Variants in DCC observed in about 807,000 individuals in gnomAD.
DCC encodes DCC netrin 1 receptor.
DCC carries 58 observed loss-of-function variants against 172.5 expected under a neutral mutation model. The observed-to-expected ratio is 0.34, with a 90% CI of 0.27 to 0.42. The LOEUF is 0.42. Ranked by LOEUF, DCC falls within the 10% of genes least tolerant of loss-of-function variation. The probability of loss-of-function intolerance (pLI) is 1.00; values close to 1 mark genes in which losing one functional copy is unlikely to be tolerated. For synonymous variants in DCC, 709 were observed against 644.5 expected (o/e 1.10, Z -1.52); for missense variants, 1,740 against 1,791.0 (o/e 0.97, Z 0.51).
At chr18:52,364,764 GTGGGC>G (rs1984771187) in intron 1 of DCC, among the ~76,000 whole-genome samples, 2 of 152,174 alleles carry the variant, frequency 1.3e-5, no homozygotes, top group Non-Finnish European at 2.9e-5. Flanking sequence ...ATGAGTGGAA[GTGGGC>G]CAGGAAGGGC....
At chr18:53,300,810 T>G (rs977314942) in intron 12 of DCC, among the ~76,000 whole-genome samples, 1 of 152,060 alleles carries the variant, frequency 6.6e-6, no homozygotes, top group African/African-American at 2.4e-5. Context: ...GAGAAACTTA[T>G]CTGCAGAGCA....
intron 5 of DCC, among the ~76,000 whole-genome samples, chr18:52,972,517 C>CTTTTTTTTT (rs34383367): frequency 7.2e-6 from 1 of 138,820 alleles, no homozygotes. Flanking sequence ...AAATTTCTTG[C>CTTTTTTTTT]TTTTTTTTTT....
At chr18:52,556,731 C>T (rs1030050662) in intron 1 of DCC, among the ~76,000 whole-genome samples, 1 of 152,036 alleles carries the variant, frequency 6.6e-6, no homozygotes, top group Admixed American at 6.6e-5. Flanking sequence ...ACTCCTTCCC[C>T]CCACCTCATG....
intron 2 of DCC, among the ~76,000 whole-genome samples, chr18:52,764,372 A>C (rs2037210465): frequency 6.6e-6 from 1 of 152,204 alleles, no homozygotes; most frequent in African/African-American, 2.4e-5. Context: ...TATGGTTTGG[A>C]TATTCATCCC....
chr18:53,291,815 T>C (rs1235587927), intron 12 of DCC, among the ~76,000 whole-genome samples: 2 of 152,204 alleles, frequency 1.3e-5, no homozygotes, highest in Non-Finnish European at 2.9e-5. Context: ...GAGAATTAAG[T>C]CTATTGATAC....
intron 22 of DCC, among the ~76,000 whole-genome samples, chr18:53,444,158 T>A (rs1912451082): frequency 6.6e-6 from 1 of 152,250 alleles, no homozygotes; most frequent in East Asian, 1.9e-4. Flanking sequence ...ATGGGTAAAA[T>A]GCTATCAAAT....
At chr18:53,422,530 G>A (rs1252732658) in intron 21 of DCC, among the ~76,000 whole-genome samples, 1 of 152,072 alleles carries the variant, frequency 6.6e-6, no homozygotes, top group Non-Finnish European at 1.5e-5. Context: ...ATACCTAAAT[G>A]GCATCACCAT....
rs41365745 is a variant in DCC, at chr18:53,105,732, G to C, written c.1261+39566G>C. On this transcript the variant is annotated intron_variant, in intron 7 of 28. Transcript: ENST00000442544. ...CCACGTGCATATCCCATTTTTAGAA[G>C]GTGCTTTCTGTGCCTGGGAAGTAGA... 6.8e-3 allele frequency among the ~76,000 whole-genome samples: 1,031 copies of C among 151,798 alleles called. 16 individuals are homozygous for C. The highest frequency in any genetic ancestry group is 0.023 in the African/African-American group (956 of 41,422).
chr18:52,983,057 T>C (rs2041236151), intron 5 of DCC, among the ~76,000 whole-genome samples: 1 of 152,182 alleles, frequency 6.6e-6, no homozygotes, highest in Non-Finnish European at 1.5e-5. Context: ...TTTTACTCTA[T>C]AAAGTGTCTG....
At chr18:53,025,131 T>G (rs2041938264) in intron 5 of DCC, among the ~76,000 whole-genome samples, 2 of 152,090 alleles carry the variant, frequency 1.3e-5, no homozygotes, top group South Asian at 4.1e-4. Flanking sequence ...TGGTTAAAAA[T>G]TTTGGAAAGT....
intron 1 of DCC, among the ~76,000 whole-genome samples, chr18:52,379,088 G>A (rs138068404): frequency 5.4e-4 from 82 of 152,202 alleles, no homozygotes; most frequent in Non-Finnish European, 4.6e-4. Context: ...CAAATATTGC[G>A]TAGCAAACCT....
chr18:52,550,728 G>A (rs919370760), intron 1 of DCC, among the ~76,000 whole-genome samples: 8 of 152,100 alleles, frequency 5.3e-5, no homozygotes, highest in Admixed American at 5.2e-4. Context: ...AAAGCTGACT[G>A]TGGTACCTCT....
At chr18:53,447,495 TA>T (rs1912690650) in intron 22 of DCC, among the ~76,000 whole-genome samples, 1 of 152,180 alleles carries the variant, frequency 6.6e-6, no homozygotes, top group African/African-American at 2.4e-5. Context: ...AATTCAGAGT[TA>T]TTTTTTTTGA....
intron 25 of DCC, among the ~76,000 whole-genome samples, chr18:53,470,508 C>G (rs1408618781): frequency 6.6e-6 from 1 of 152,072 alleles, no homozygotes; most frequent in Non-Finnish European, 1.5e-5. Context: ...TTCAGATTAT[C>G]TTTATAGCAG....
At chr18:53,330,037 A>G (rs1420692647) in intron 14 of DCC, among the ~76,000 whole-genome samples, 2 of 152,218 alleles carry the variant, frequency 1.3e-5, no homozygotes, top group African/African-American at 2.4e-5. Context: ...ACATCAAACT[A>G]GTTGACAGTG....
chr18:53,149,026 C>A (rs4332807), intron 7 of DCC, among the ~76,000 whole-genome samples: 1 of 151,864 alleles, frequency 6.6e-6, no homozygotes, highest in Non-Finnish European at 1.5e-5. Context: ...CCACACCCGG[C>A]TAGTTTTTGT....
intron 18 of DCC, among the ~76,000 whole-genome samples, chr18:53,399,470 G>A (rs930878006): frequency 5.9e-5 from 9 of 152,096 alleles, no homozygotes; most frequent in Non-Finnish European, 2.9e-5. Flanking sequence ...AAAAGGAAGA[G>A]GAGAGGATGG....
Position 52,404,491 on chromosome 18 carries a change from G to T in DCC, c.91+63613G>T, listed in dbSNP as rs73955619. On this transcript the variant is annotated intron_variant, in intron 1 of 28. Transcript: ENST00000442544. ...ACGTTAAACATGTTGAGTTTATATTGCATAACTGAAGTTGGTAAAGAAAGA... is the reference window on the plus strand; with the variant it reads ...ACGTTAAACATGTTGAGTTTATATTTCATAACTGAAGTTGGTAAAGAAAGA... 7.9e-3 allele frequency among the ~76,000 whole-genome samples: 1,197 copies of T among 152,046 alleles called. 16 individuals are homozygous for T. Among genetic ancestry groups the T allele is most frequent in the African/African-American group, 0.028 (1,143 of 41,488 alleles).
chr18:52,963,776 T>C (rs1007600852), intron 5 of DCC, among the ~76,000 whole-genome samples: 1 of 152,120 alleles, frequency 6.6e-6, no homozygotes, highest in Admixed American at 6.6e-5. Flanking sequence ...CAGTTACTTA[T>C]ATTATCTGGC....
Sources: allele counts gnomAD v4.1 joint callset (sites outside exome capture counted in the v4.1 genomes callset), GRCh38; gene constraint gnomAD v4.1.1; transcripts MANE v1.5; gene names NCBI Gene and HGNC (gene_info 2026-07-23, HGNC 2026-07-21).